SEC63: variants seen among roughly 807,000 people sequenced by gnomAD.
SEC63 encodes SEC63 protein translocation regulator.
A neutral mutation model predicts 116.2 loss-of-function variants in SEC63; 56 were observed. That is an observed-to-expected ratio of 0.48 (90% CI 0.39 to 0.60). The LOEUF (loss-of-function observed/expected upper bound fraction) is 0.60. Among genes scored for constraint, SEC63 ranks in the 20% least tolerant of loss-of-function variants. The probability of loss-of-function intolerance (pLI) is 0.00; values close to 1 mark genes in which losing one functional copy is unlikely to be tolerated. For missense variants in SEC63, 668 were observed against 900.0 expected, an observed-to-expected ratio of 0.74 and a Z score of 3.30; for synonymous variants, 273 against 294.6, an observed-to-expected ratio of 0.93 and a Z score of 0.75.
intron 3 of SEC63, among the ~76,000 whole-genome samples, chr6:107,924,050 G>A (rs1297004339): frequency 1.3e-5 from 2 of 151,880 alleles, no homozygotes; most frequent in Non-Finnish European, 2.9e-5. Flanking sequence ...GGATCATGAG[G>A]TCAGGAGATT....
intron 14 of SEC63, among the ~76,000 whole-genome samples, chr6:107,894,267 T>C (rs992623952): frequency 6.6e-6 from 1 of 152,340 alleles, no homozygotes; most frequent in South Asian, 2.1e-4. Flanking sequence ...CTTGACAATA[T>C]GTCAGTGTGA....
At chr6:107,946,708 C>T (rs560135057) in intron 1 of SEC63, among the ~76,000 whole-genome samples, 7 of 152,226 alleles carry the variant, frequency 4.6e-5, no homozygotes, top group Non-Finnish European at 1.0e-4. Flanking sequence ...TTTATCAGAT[C>T]GCTAATATTC....
intron 14 of SEC63, among the ~76,000 whole-genome samples, chr6:107,896,509 T>G (rs13191674): frequency 0.091 from 13,857 of 152,122 alleles, 720 homozygotes; most frequent in Non-Finnish European, 0.11. Context: ...ATGATTGGAC[T>G]GGATTTAACA....
At chr6:107,914,633 C>T (rs1787358130) in intron 4 of SEC63, among the ~76,000 whole-genome samples, 1 of 152,050 alleles carries the variant, frequency 6.6e-6, no homozygotes, top group Non-Finnish European at 1.5e-5. Context: ...AGACAGGTTG[C>T]AAGATAATAA....
At chr6:107,893,443 T>C (rs755275861) in intron 16 of SEC63, 39 bp downstream of exon 16, 98 of 1,581,374 alleles carry the variant, frequency 6.2e-5, no homozygotes, top group Non-Finnish European at 8.1e-5. Flanking sequence ...TTTGTATATT[T>C]TAGCTTAATA....
chr6:107,904,489 A>G, intron 11 of SEC63, 140 bp downstream of exon 11: 1 of 689,536 alleles, frequency 1.5e-6, no homozygotes, highest in Non-Finnish European at 2.6e-6. Context: ...AAGAAATATG[A>G]AAAGACATGA....
chr6:107,900,747 G>A (rs913590899), intron 13 of SEC63, among the ~76,000 whole-genome samples: 5 of 152,096 alleles, frequency 3.3e-5, no homozygotes, highest in East Asian at 1.9e-4. Flanking sequence ...TAGTAACTTA[G>A]CAAATGTTAA....
At chr6:107,896,501 G>C (rs1034398884) in intron 14 of SEC63, among the ~76,000 whole-genome samples, 2 of 152,060 alleles carry the variant, frequency 1.3e-5, no homozygotes, top group East Asian at 3.9e-4. Context: ...TATGCAAAAT[G>C]ATTGGACTGG....
At chr6:107,954,148 T>C (rs1770651981) in intron 1 of SEC63, among the ~76,000 whole-genome samples, 1 of 152,170 alleles carries the variant, frequency 6.6e-6, no homozygotes, top group Non-Finnish European at 1.5e-5. Flanking sequence ...CTTGGGATCC[T>C]GTTGATCGGT....
At chr6:107,941,821 C>G (rs781774904) in intron 1 of SEC63, among the ~76,000 whole-genome samples, 1 of 152,314 alleles carries the variant, frequency 6.6e-6, no homozygotes, top group South Asian at 2.1e-4. Context: ...GTTGACGATA[C>G]CTGGTGCTTA....
intron 16 of SEC63, among the ~76,000 whole-genome samples, chr6:107,888,431 C>T (rs913216965): frequency 6.6e-6 from 1 of 152,124 alleles, no homozygotes; most frequent in Non-Finnish European, 1.5e-5. Context: ...GTGATTTTTG[C>T]ACATTGATTT....
chr6:107,938,385 G>T (rs1464231292), intron 1 of SEC63, among the ~76,000 whole-genome samples: 1 of 151,304 alleles, frequency 6.6e-6, no homozygotes. Context: ...GGAGTAGCTG[G>T]GACTACAGGA....
intron 2 of SEC63, among the ~76,000 whole-genome samples, chr6:107,926,900 C>CAATA (rs1433526893): frequency 6.6e-5 from 10 of 152,144 alleles, no homozygotes; most frequent in African/African-American, 2.4e-4. Flanking sequence ...TTACCACAAC[C>CAATA]AATAAAGCCA....
rs1036631797 is a variant in SEC63 at position 107,902,753 on chromosome 6, T to C, written c.1209+91A>G. The stretch of plus-strand genomic sequence containing the variant: ...AGACATTCTAAATCTAAAAAATGCA[T>C]AGTAACCATTTCCAGAAAACTTTTA... On this transcript the variant is annotated intron_variant, in intron 12 of 20. Transcript: ENST00000369002. 6 of 1,204,704 alleles carry C rather than the reference T, an allele frequency of 5.0e-6. No individual in the cohort carries two copies. In the East Asian group the frequency reaches 1.2e-4, roughly 23 times the overall value. 74.6% of individuals were successfully genotyped at this position (1,204,704 alleles called of 1,614,324 possible). A position where few individuals can be genotyped will look rare whatever the true frequency, so the allele number is the denominator to read the frequency against.
chr6:107,899,748 G>C (rs1266594516), intron 13 of SEC63, among the ~76,000 whole-genome samples: 4 of 151,992 alleles, frequency 2.6e-5, no homozygotes, highest in Middle Eastern at 3.2e-3. Context: ...GAAAAGAAAA[G>C]GGTATACTTT....
chr6:107,919,821 C>CAAA (rs558973753), intron 4 of SEC63, among the ~76,000 whole-genome samples: 1 of 129,428 alleles, frequency 7.7e-6, no homozygotes, highest in Admixed American at 7.9e-5. Context: ...GACTCCATCT[C>CAAA]AAAAAAAAAA....
chr6:107,891,102 T>G (rs945405049), intron 16 of SEC63, among the ~76,000 whole-genome samples: 8 of 152,170 alleles, frequency 5.3e-5, no homozygotes, highest in African/African-American at 1.9e-4. Flanking sequence ...TTTCCTGAAT[T>G]TGAATGTTGA....
In SEC63 at chr6:107,868,403, A is replaced by C. The variant is rs1786049228; in HGVS notation, c.*3301T>G. 6.6e-6 allele frequency: 1 copy of C among 152,044 alleles called. No homozygotes were observed. Among genetic ancestry groups the C allele is most frequent in the South Asian group, 2.1e-4 (1 of 4,816 alleles). The allele number at this position is 152,044 out of a possible 1,614,324, so 9.4% of individuals were successfully genotyped here. On this transcript the variant is annotated 3_prime_UTR_variant, in exon 21 of 21. Transcript: ENST00000369002. ...AGACCAGGCTGGACAACGTGGCAAA[A>C]TCCCATCTCTACTAAAAATTAAAAA...
rs558219976 is a variant in SEC63, at chr6:107,871,755, G to T, written c.2232C>A (p.Gly744=). Reference sequence around the variant, plus strand: ...CTTCTTCCTCAAAGCTATCTTCAAAGCCCTCACTGTCCTCCTGGTCTTCAT... The same window carrying T: ...CTTCTTCCTCAAAGCTATCTTCAAATCCCTCACTGTCCTCCTGGTCTTCAT... ...EGDEDQEDSE[G]FEDSFEEEEE... Residue 744 remains glycine (G), a synonymous_variant, in exon 21 of 21, where the codon GGC becomes GGA. Transcript: ENST00000369002. 5 of 1,613,502 alleles carry T rather than the reference G, an allele frequency of 3.1e-6. No individual in the cohort carries two copies. The East Asian group carries it at 1.1e-4, about 36-fold the overall frequency.
Sources: allele counts gnomAD v4.1 joint callset (sites outside exome capture counted in the v4.1 genomes callset), GRCh38; gene constraint gnomAD v4.1.1; transcripts MANE v1.5; gene names NCBI Gene and HGNC (gene_info 2026-07-23, HGNC 2026-07-21).